Variants in SPMIP7 observed in about 807,000 individuals in gnomAD.
SPMIP7 encodes the protein protein SPMIP7.
At chr7:50,152,577 G>A in the SPMIP7 span, among the ~76,000 whole-genome samples, 5 of 152,160 alleles carry the variant, frequency 3.3e-5, no homozygotes. Flanking sequence ...TAGGAAGGCA[G>A]ACTAGAGGGA....
the SPMIP7 span, among the ~76,000 whole-genome samples, chr7:50,149,177 C>T: frequency 3.6e-3 from 545 of 151,846 alleles, 4 homozygotes; most frequent in African/African-American, 0.013. Context: ...GGGAGCCAGG[C>T]ATTGGTACCT....
the SPMIP7 span, among the ~76,000 whole-genome samples, chr7:50,125,109 TATATATACACACAC>T: frequency 8.8e-4 from 53 of 59,892 alleles, 1 homozygote; most frequent in South Asian, 1.9e-3. Context: ...TATATATATA[TATATATACACACAC>T]ACACACACAC....
chr7:50,141,137 A>G, the SPMIP7 span: 3 of 541,640 alleles, frequency 5.5e-6, no homozygotes, highest in African/African-American at 5.6e-5. Context: ...AAATTGTTCT[A>G]TCATTATGCT....
the SPMIP7 span, among the ~76,000 whole-genome samples, chr7:50,124,994 G>A: frequency 6.6e-6 from 1 of 151,160 alleles, no homozygotes; most frequent in East Asian, 1.9e-4. Context: ...AGCTACTTGG[G>A]AGGCTGAGGC....
chr7:50,142,944 T>C, the SPMIP7 span: 1 of 152,230 alleles, frequency 6.6e-6, no homozygotes, highest in African/African-American at 2.4e-5. Flanking sequence ...ATGATGTCAT[T>C]TGCATAGGAG....
chr7:50,152,206 G>T, the SPMIP7 span, among the ~76,000 whole-genome samples: 82 of 152,220 alleles, frequency 5.4e-4, no homozygotes, highest in Non-Finnish European at 1.1e-3. Flanking sequence ...AAATTAGCCA[G>T]TGTGGTGGTG....
At chr7:50,136,151 C>A in the SPMIP7 span, 39 of 1,550,512 alleles carry the variant, frequency 2.5e-5, no homozygotes, top group African/African-American at 5.1e-4. Flanking sequence ...TGGCACCAGT[C>A]AAACCAATTA....
the SPMIP7 span, among the ~76,000 whole-genome samples, chr7:50,119,330 C>T: frequency 6.6e-6 from 1 of 152,188 alleles, no homozygotes; most frequent in African/African-American, 2.4e-5. Flanking sequence ...CCATCCTAGA[C>T]ATTAACAGCT....
At chr7:50,109,537 G>A in the SPMIP7 span, among the ~76,000 whole-genome samples, 17 of 151,986 alleles carry the variant, frequency 1.1e-4, no homozygotes, top group African/African-American at 4.1e-4. Flanking sequence ...CACCACGCCT[G>A]GCTATGTTTT....
At chr7:50,128,974 T>C in the SPMIP7 span, among the ~76,000 whole-genome samples, 111 of 152,032 alleles carry the variant, frequency 7.3e-4, no homozygotes, top group African/African-American at 2.6e-3. Context: ...TGCAAACAAT[T>C]AAACTCAGTG....
the SPMIP7 span, among the ~76,000 whole-genome samples, chr7:50,114,060 A>G: frequency 2.6e-5 from 4 of 152,210 alleles, no homozygotes; most frequent in Non-Finnish European, 5.9e-5. Flanking sequence ...GATATTAACT[A>G]ACAATAAAAA....
the SPMIP7 span, among the ~76,000 whole-genome samples, chr7:50,123,711 T>A: frequency 6.6e-6 from 1 of 151,740 alleles, no homozygotes; most frequent in Non-Finnish European, 1.5e-5. Context: ...TAAAACGCAA[T>A]GTAAAGAAGT....
the SPMIP7 span, among the ~76,000 whole-genome samples, chr7:50,104,068 A>G: frequency 6.6e-6 from 1 of 152,184 alleles, no homozygotes; most frequent in African/African-American, 2.4e-5. Flanking sequence ...TATAGTACCA[A>G]ATAGGTATCT....
the SPMIP7 span, chr7:50,096,302 T>C: frequency 6.4e-7 from 1 of 1,551,964 alleles, no homozygotes; most frequent in Non-Finnish European, 8.7e-7. Flanking sequence ...TTATCCCCCT[T>C]CAGTTTTGCC....
At chr7:50,130,625 G>C in the SPMIP7 span, among the ~76,000 whole-genome samples, 1 of 152,098 alleles carries the variant, frequency 6.6e-6, no homozygotes, top group Admixed American at 6.6e-5. Context: ...AAAAGTGACA[G>C]ATAAGTCTAT....
chr7:50,098,031 C>A, the SPMIP7 span, among the ~76,000 whole-genome samples: 1 of 152,110 alleles, frequency 6.6e-6, no homozygotes, highest in African/African-American at 2.4e-5. Flanking sequence ...CTTTGTACAT[C>A]CTGGAAACAA....
the SPMIP7 span, among the ~76,000 whole-genome samples, chr7:50,135,212 T>A: frequency 6.6e-6 from 1 of 152,238 alleles, no homozygotes; most frequent in Non-Finnish European, 1.5e-5. Context: ...CTGGATTAGA[T>A]GTCTCAGCTC....
At chr7:50,129,350 G>T in the SPMIP7 span, among the ~76,000 whole-genome samples, 1 of 151,924 alleles carries the variant, frequency 6.6e-6, no homozygotes, top group Non-Finnish European at 1.5e-5. Flanking sequence ...GGAAGATAAA[G>T]TATCTCATAA....
At chr7:50,129,908 A>G in the SPMIP7 span, 2 of 673,528 alleles carry the variant, frequency 3.0e-6, no homozygotes, top group Non-Finnish European at 5.1e-6. Context: ...AGAGGACATC[A>G]AACGCAGACA....
Sources: allele counts gnomAD v4.1 joint callset (sites outside exome capture counted in the v4.1 genomes callset), GRCh38; gene constraint gnomAD v4.1.1; transcripts MANE v1.5; gene names NCBI Gene and HGNC (gene_info 2026-07-23, HGNC 2026-07-21).